COPA: variants seen among roughly 807,000 people sequenced by gnomAD.
The protein encoded by COPA is coatomer subunit alpha.
Under a neutral mutation model 158.7 loss-of-function variants are expected in COPA, and 10 were observed. The ratio of observed to expected loss-of-function variants is 0.06; its 90% confidence interval spans 0.04 to 0.11. COPA has a LOEUF of 0.11. COPA is among the 10% of genes least tolerant of loss of function. The probability of loss-of-function intolerance (pLI) is 1.00; values close to 1 mark genes in which losing one functional copy is unlikely to be tolerated. For synonymous variants in COPA, 462 were observed against 542.8 expected (o/e 0.85, Z 2.07); for missense variants, 1,065 against 1,536.7 (o/e 0.69, Z 5.13).
chr1:160,290,155 C>T lies in COPA; in HGVS notation c.*2G>A, dbSNP rs1658177217. 1 of 1,613,828 alleles carries T rather than the reference C, an allele frequency of 6.2e-7. No individual in the cohort carries two copies. The highest frequency in any genetic ancestry group is 1.3e-5 in the African/African-American group (1 of 74,854). On this transcript the variant is annotated 3_prime_UTR_variant, in exon 33 of 33. Coordinates refer to ENST00000241704, the MANE Select transcript of COPA (RefSeq NM_004371.4). ...GACTGACCCATGCACACAAAGGGGGCCTTAGCGAAACTGCAGAGGACTGAT... is the reference window on the plus strand; with the variant it reads ...GACTGACCCATGCACACAAAGGGGGTCTTAGCGAAACTGCAGAGGACTGAT...
intron 3 of COPA, among the ~76,000 whole-genome samples, chr1:160,335,531 G>C (rs191874309): frequency 5.9e-5 from 9 of 152,198 alleles, no homozygotes; most frequent in African/African-American, 2.2e-4. Flanking sequence ...TGAAAATATA[G>C]GTCAGATAAA....
At chr1:160,314,202 T>G in intron 8 of COPA, 77 bp from the exon 9 acceptor site, 1 of 1,484,072 alleles carries the variant, frequency 6.7e-7, no homozygotes, top group Non-Finnish European at 9.1e-7. Context: ...GACATCCTCT[T>G]CATCAAGAAC....
chr1:160,307,067 G>C (rs1658812025), intron 14 of COPA, 96 bp downstream of exon 14: 2 of 1,215,412 alleles, frequency 1.6e-6, no homozygotes, highest in Non-Finnish European at 2.4e-6. Flanking sequence ...CGGCTGCCCG[G>C]GGGAGAACAG....
At chr1:160,307,026 A>G (rs985819598) in intron 14 of COPA, 137 bp downstream of exon 14, 2 of 822,382 alleles carry the variant, frequency 2.4e-6, no homozygotes, top group Middle Eastern at 2.3e-4. Flanking sequence ...GTAGGGCTAG[A>G]GACAGAGGTA....
chr1:160,322,992 C>T, intron 8 of COPA, among the ~76,000 whole-genome samples: 1 of 140,686 alleles, frequency 7.1e-6, no homozygotes, highest in Admixed American at 7.2e-5. Context: ...CGCACGTGCA[C>T]ACACACACAC....
intron 13 of COPA, among the ~76,000 whole-genome samples, chr1:160,307,926 G>A (rs1395656909): frequency 1.3e-5 from 2 of 152,190 alleles, no homozygotes; most frequent in Non-Finnish European, 2.9e-5. Context: ...GCAGAAAACT[G>A]GAGAGAACAT....
chr1:160,292,320 G>A, intron 28 of COPA, 122 bp from the exon 29 acceptor site: 2 of 1,547,602 alleles, frequency 1.3e-6, no homozygotes, highest in South Asian at 1.2e-5. Context: ...CTGGGGAAGA[G>A]GATGACAGCA....
chr1:160,320,320 A>AACC (rs1457459516), intron 8 of COPA, among the ~76,000 whole-genome samples: 1 of 152,108 alleles, frequency 6.6e-6, no homozygotes, highest in Non-Finnish European at 1.5e-5. Context: ...ACAAAGATTG[A>AACC]ACCACGAGGC....
intron 4 of COPA, 149 bp downstream of exon 4, chr1:160,335,093 A>G (rs74123113): frequency 0.012 from 6,439 of 532,160 alleles, 339 homozygotes; most frequent in African/African-American, 0.11. Flanking sequence ...CAGAAAGAAA[A>G]AAAGCAGAAA....
chr1:160,317,581 T>G, intron 8 of COPA: 1 of 1,590,292 alleles, frequency 6.3e-7, no homozygotes, highest in Non-Finnish European at 8.6e-7. Context: ...TCCAATGAAT[T>G]CATTCAGGTT....
Position 160,292,178 on chromosome 1 carries a change from T to C in COPA, c.2981A>G (p.Asn994Ser), listed in dbSNP as rs1658260963. 6.2e-7 allele frequency: 1 copy of C among 1,613,248 alleles called. No homozygotes were observed. The highest frequency in any genetic ancestry group is 8.5e-7 in the Non-Finnish European group (1 of 1,179,918). Residue 994 changes from asparagine to serine, a missense_variant, in exon 29 of 33, where the codon AAT becomes AGT. Coordinates refer to ENST00000241704, the MANE Select transcript of COPA (RefSeq NM_004371.4). ...CTTCAGGCCCACAGCTGGTACACCA[T>C]TCTTCAGCCCTGCATCCTTCCTGGA... The part of the protein sequence containing the change: ...NRNWKDAGLK[N>S]GVPAVGLKLN...
At chr1:160,290,938 A>G (rs1658210004) in intron 31 of COPA, among the ~76,000 whole-genome samples, 1 of 152,216 alleles carries the variant, frequency 6.6e-6, no homozygotes, top group African/African-American at 2.4e-5. Context: ...TCTAGAGATT[A>G]TCAGGGTCAG....
At chr1:160,296,030 A>G (rs1485471229) in intron 22 of COPA, 31 bp downstream of exon 22, 2 of 1,601,768 alleles carry the variant, frequency 1.2e-6, no homozygotes, top group African/African-American at 2.7e-5. Context: ...TAATCCTGTA[A>G]TAAGAGACAA....
intron 10 of COPA, 132 bp downstream of exon 10, chr1:160,312,953 C>G: frequency 1.4e-6 from 1 of 736,640 alleles, no homozygotes. Context: ...AAAGCTTCAA[C>G]TAAGTGGCTC....
chr1:160,318,438 T>G (rs1659215665), intron 8 of COPA, among the ~76,000 whole-genome samples: 1 of 117,370 alleles, frequency 8.5e-6, no homozygotes, highest in Admixed American at 1.2e-4. Context: ...ACATTGTCTG[T>G]ACCAGCTTCA....
At chr1:160,320,608 CAAAAAA>C (rs56849348) in intron 8 of COPA, among the ~76,000 whole-genome samples, 1 of 15,502 alleles carries the variant, frequency 6.5e-5, no homozygotes, top group Non-Finnish European at 1.0e-4. Context: ...GACTCCAACT[CAAAAAA>C]AAAAAAAAAA....
intron 28 of COPA, 54 bp from the exon 29 acceptor site, chr1:160,292,252 C>T: frequency 1.3e-6 from 2 of 1,578,498 alleles, no homozygotes; most frequent in Non-Finnish European, 1.7e-6. Context: ...AACTAGGACC[C>T]AATTTCCTTT....
intron 8 of COPA, among the ~76,000 whole-genome samples, chr1:160,320,792 TA>T (rs143294298): frequency 0.3 from 26,717 of 89,082 alleles, 3,592 homozygotes; most frequent in Middle Eastern, 0.41. Flanking sequence ...TTCAAACTCT[TA>T]AAAAAAAAAA....
At chr1:160,294,183 G>A (rs1027864329) in intron 25 of COPA, among the ~76,000 whole-genome samples, 1 of 152,082 alleles carries the variant, frequency 6.6e-6, no homozygotes, top group African/African-American at 2.4e-5. Flanking sequence ...AATAGAGACA[G>A]GGTCTTGCTA....
Sources: gnomAD v4.1 joint callset for allele counts (sites outside exome capture counted in the v4.1 genomes callset) on GRCh38, gnomAD v4.1.1 for gene constraint, MANE v1.5 for transcripts, NCBI Gene and HGNC (gene_info 2026-07-23, HGNC 2026-07-21) for gene names.